The following ADD2 variants were observed in gnomAD, a reference collection of about 807,000 sequenced individuals.
The protein encoded by ADD2 is adducin 2, also known as beta-adducin.
ADD2 carries 23 observed loss-of-function variants against 83.0 expected under a neutral mutation model. The ratio of observed to expected loss-of-function variants is 0.28; its 90% CI spans 0.20 to 0.39. The LOEUF is 0.39. Ranked by LOEUF, ADD2 falls within the 10% of genes least tolerant of loss-of-function variation. The pLI, the probability that ADD2 is intolerant of heterozygous loss-of-function variation, is 1.00. For missense variants in ADD2, 758 were observed against 944.9 expected, an observed-to-expected ratio of 0.80 and a Z score of 2.59; for synonymous variants, 375 against 375.4, an observed-to-expected ratio of 1.00 and a Z score of 0.01.
chr2:70,759,950 G>C (rs980718366), intron 1 of ADD2, among the ~76,000 whole-genome samples: 5 of 151,848 alleles, frequency 3.3e-5, no homozygotes, highest in African/African-American at 1.2e-4. Context: ...CTGTTTCATT[G>C]AGCCTGGGGA....
intron 2 of ADD2, among the ~76,000 whole-genome samples, chr2:70,707,518 T>C (rs1553374742): frequency 6.6e-6 from 1 of 150,958 alleles, no homozygotes; most frequent in Non-Finnish European, 1.5e-5. Flanking sequence ...TTCTGAAGAG[T>C]AAGCCTGCAG....
Position 70,676,978 on chromosome 2 carries a change from A to C in ADD2, c.1504-93T>G. ...ATACGGGTGTGCCTGGGGTCTAGAA[A>C]GGTCCTCTAGCGGTGTGGGAGCCCG... is the stretch of plus-strand genomic sequence containing the variant. On this transcript the variant is annotated intron_variant, in intron 12 of 15. Coordinates refer to ENST00000264436, the MANE Select transcript of ADD2 (RefSeq NM_001617.4). The surrounding 1 kb of genome is among the most constrained non-coding windows in gnomAD (Gnocchi z 4.8). 6.5e-7 allele frequency: 1 copy of C among 1,530,908 alleles called. No individual in the cohort carries two copies. The highest frequency in any genetic ancestry group is 8.8e-7 in the Non-Finnish European group (1 of 1,135,252). 94.8% of individuals were successfully genotyped at this position (1,530,908 alleles called of 1,614,324 possible). A position where few individuals can be genotyped will look rare whatever the true frequency, so the allele number is the denominator to read the frequency against.
intron 1 of ADD2, among the ~76,000 whole-genome samples, chr2:70,726,853 G>A (rs1014592): frequency 6.6e-6 from 1 of 151,990 alleles, no homozygotes; most frequent in Non-Finnish European, 1.5e-5. Context: ...GCTGGTCTAC[G>A]AAATCCAACA....
chr2:70,743,940 C>T (rs1169955203), intron 1 of ADD2, among the ~76,000 whole-genome samples: 3 of 152,210 alleles, frequency 2.0e-5, no homozygotes, highest in Non-Finnish European at 4.4e-5. Flanking sequence ...GCCATTTACT[C>T]ATTTGTTCAT....
intron 1 of ADD2, among the ~76,000 whole-genome samples, chr2:70,736,303 G>A (rs2104483382): frequency 6.6e-6 from 1 of 152,322 alleles, no homozygotes; most frequent in Non-Finnish European, 1.5e-5. Flanking sequence ...CAGAAGCCTG[G>A]AGTCCTAATC....
At chr2:70,708,951 C>T (rs942971421) in intron 2 of ADD2, among the ~76,000 whole-genome samples, 5 of 152,334 alleles carry the variant, frequency 3.3e-5, no homozygotes, top group African/African-American at 4.8e-5. Flanking sequence ...AGGTCACTTT[C>T]CTTTTTCTGT....
Position 70,681,678 on chromosome 2 carries a change from GT to G in ADD2, c.1125+1912del, listed in dbSNP as rs1285009494. ...CATTATTTTTAATATTTTTTCAGTT[GT>G]TTTTTTTTTGGACTTTATAGGCATG... is the stretch of plus-strand genomic sequence containing the variant. On this transcript the variant is annotated intron_variant, in intron 10 of 15. Transcript: ENST00000264436. Among the ~76,000 whole-genome samples, 28 of 145,730 alleles carry G rather than the reference GT, an allele frequency of 1.9e-4. 1 individual carries two copies. Among genetic ancestry groups the G allele is most frequent in the South Asian group, 1.1e-3 (5 of 4,544 alleles).
rs1230064180 is a variant in ADD2 at position 70,663,479 on chromosome 2, G to A, written c.2127C>T (p.Phe709=). The A allele has an allele frequency of 4.3e-6, 7 of 1,613,972 alleles. No homozygotes were observed. Among genetic ancestry groups the A allele is most frequent in the Non-Finnish European group, 5.9e-6 (7 of 1,180,014 alleles). The change falls in exon 16 of 16, where the codon TTC becomes TTT. Residue 709 remains phenylalanine (F), a synonymous_variant. Transcript: ENST00000264436. ...SKSPSKKKKK[F]RTPSFLKKSK... is the part of the protein sequence containing the mutation. ...TCTTTTTCAGGAAGGAGGGGGTTCG[G>A]AATTTCTTTTTCTTCTTTGAGGGAG...
intron 1 of ADD2, among the ~76,000 whole-genome samples, chr2:70,767,172 G>C (rs1191766126): frequency 2.0e-5 from 3 of 152,184 alleles, no homozygotes; most frequent in Non-Finnish European, 4.4e-5. Context: ...TCCGGGACCG[G>C]GGATGGCCTC....
intron 1 of ADD2, among the ~76,000 whole-genome samples, chr2:70,761,739 T>C (rs1675113526): frequency 6.6e-6 from 1 of 150,404 alleles, no homozygotes. Context: ...TGGTGCAATC[T>C]CGGCTCACTG....
intron 3 of ADD2, among the ~76,000 whole-genome samples, chr2:70,704,869 C>A (rs1671805571): frequency 6.6e-6 from 1 of 152,160 alleles, no homozygotes; most frequent in African/African-American, 2.4e-5. Context: ...GCTTCAGTTT[C>A]CTCATGTGCT....
At position 70,660,858 on chromosome 2, in the gene ADD2, T is replaced by C. The variant is rs1675516325; in HGVS notation, c.*2567A>G. ...TTTCTCTGGTCCCCAAGATAGTTAA[T>C]TGATGCTTTCTTATGCCACCTTGGT... On this transcript the variant is annotated 3_prime_UTR_variant, in exon 16 of 16. Transcript: ENST00000264436. 6.6e-6 allele frequency: 1 copy of C among 152,250 alleles called. No individual in the cohort carries two copies. Among genetic ancestry groups the C allele is most frequent in the Non-Finnish European group, 1.5e-5 (1 of 68,048 alleles). 9.4% of individuals were successfully genotyped at this position (152,250 alleles called of 1,614,324 possible).
chr2:70,704,788 AT>A (rs1671800674), intron 3 of ADD2, among the ~76,000 whole-genome samples: 1 of 152,156 alleles, frequency 6.6e-6, no homozygotes, highest in Non-Finnish European at 1.5e-5. Flanking sequence ...AATGAAGGAC[AT>A]TTTTTTAGGC....
intron 13 of ADD2, chr2:70,675,045 G>A (rs575667073): frequency 2.2e-5 from 29 of 1,308,978 alleles, no homozygotes; most frequent in African/African-American, 8.9e-5. Context: ...TGAATATAGG[G>A]GGTCCACAGT....
chr2:70,665,419 C>G (rs1239845237), intron 15 of ADD2, among the ~76,000 whole-genome samples: 2 of 152,206 alleles, frequency 1.3e-5, no homozygotes, highest in African/African-American at 4.8e-5. Flanking sequence ...CTGCCCAGCC[C>G]ATGTCCTGTC....
At chr2:70,730,815 A>G (rs797037736) in intron 1 of ADD2, among the ~76,000 whole-genome samples, 9 of 152,160 alleles carry the variant, frequency 5.9e-5, no homozygotes, top group African/African-American at 2.2e-4. Flanking sequence ...ATTGTGTTGT[A>G]ATTGCCTACA....
At chr2:70,668,405 T>A (rs782580743) in intron 15 of ADD2, among the ~76,000 whole-genome samples, 2 of 152,198 alleles carry the variant, frequency 1.3e-5, no homozygotes, top group African/African-American at 2.4e-5. Context: ...CTGGACAGCC[T>A]CCCCTGACAT....
chr2:70,717,748 A>G (rs2052273), intron 1 of ADD2: 120,756 of 152,298 alleles, frequency 0.79, 48,737 homozygotes, highest in East Asian at 0.98. Flanking sequence ...TGCTACTTTT[A>G]CAGAATAAAT....
chr2:70,743,957 AAT>A (rs1674051001), intron 1 of ADD2, among the ~76,000 whole-genome samples: 1 of 152,214 alleles, frequency 6.6e-6, no homozygotes, highest in African/African-American at 2.4e-5. Flanking sequence ...TCATCAATCA[AAT>A]ACTTATCTTC....
Sources: gnomAD v4.1 joint callset for allele counts (sites outside exome capture counted in the v4.1 genomes callset) on GRCh38, gnomAD v4.1.1 for gene constraint, Gnocchi (gnomAD v3.1) non-coding constraint, MANE v1.5 for transcripts, NCBI Gene and HGNC (gene_info 2026-07-23, HGNC 2026-07-21) for gene names.